WDR11: variants seen among roughly 807,000 people sequenced by gnomAD.
WDR11 encodes the protein WD repeat-containing protein 11.
In WDR11, 83 loss-of-function variants were observed where a neutral mutation model predicts 151.2. That is an observed-to-expected ratio of 0.55 (90% CI 0.46 to 0.66). The LOEUF (loss-of-function observed/expected upper bound fraction) is 0.66, where lower values mean the gene tolerates loss of function less well. Among genes scored for constraint, WDR11 ranks in the 30% least tolerant of loss-of-function variants. The pLI, the probability that WDR11 is intolerant of heterozygous loss-of-function variation, is 0.00. For synonymous variants in WDR11, 484 were observed against 533.1 expected, an observed-to-expected ratio of 0.91 and a Z score of 1.27; for missense variants, 1,301 against 1,480.9, an observed-to-expected ratio of 0.88 and a Z score of 1.99.
In WDR11 at chr10:120,889,130, T is replaced by G. The variant is rs908734789; in HGVS notation, c.2174T>G (p.Leu725Arg). ...CIAWKGDTLVLGDMDGNLNFW... is the reference protein window; with the variant it reads ...CIAWKGDTLVRGDMDGNLNFW... ...GCTTGGAAAGGTGATACATTAGTGC[T>G]TGGAGATATGGATGGAAATTTAAAT... The change falls in exon 17 of 29, where the codon CTT (leucine) becomes CGT (arginine). Residue 725 changes from leucine (L) to arginine (R), a missense_variant. This residue lies in a region of WDR11 where 589 missense variants were observed against 670.6 expected (regional missense o/e 0.88). Coordinates refer to ENST00000263461, the MANE Select transcript of WDR11 (RefSeq NM_018117.12). 1.2e-6 allele frequency: 2 copies of G among 1,613,970 alleles called. No individual in the cohort carries two copies. The highest frequency in any genetic ancestry group is 8.5e-7 in the Non-Finnish European group (1 of 1,179,982).
rs66873217 is a variant in WDR11 at position 120,874,176 on chromosome 10, G to GTTTTTT, written c.1556+264_1556+269dup. Among the ~76,000 whole-genome samples the GTTTTTT allele has an allele frequency of 3.2e-3, 263 of 83,290 alleles. 6 individuals are homozygous for GTTTTTT. Among genetic ancestry groups the GTTTTTT allele is most frequent in the African/African-American group, 4.3e-3 (86 of 20,196 alleles). The allele number at this position is 83,290 out of a possible 152,430, so 54.6% of individuals were successfully genotyped here. On this transcript the variant is annotated intron_variant, in intron 11 of 28. Transcript: ENST00000263461. ...TGCAAAAGTAATTGCGGTTTTTGCA[G>GTTTTTT]TTTTTTTTTTTTTTTTGTTGTTGTT...
rs2133815980 is a variant in WDR11 at position 120,904,714 on chromosome 10, G to A, written c.3096G>A (p.Leu1032=). 2 of 1,614,172 alleles carry A rather than the reference G, an allele frequency of 1.2e-6. No homozygotes were observed. The highest frequency in any genetic ancestry group is 1.1e-5 in the South Asian group (1 of 91,082). Residue 1032 remains leucine, a synonymous_variant, in exon 25 of 29, where the codon CTG becomes CTA. Transcript: ENST00000263461. ...ACCAGCATTATTACTGTGATTCACT[G>A]AAAGCCTGTTTAGTCACTACTGTCA... The part of the protein sequence containing the change: ...ADNQHYYCDS[L]KACLVTTVTS...
At chr10:120,868,386 G>A (rs776795531) in intron 9 of WDR11, among the ~76,000 whole-genome samples, 10 of 151,842 alleles carry the variant, frequency 6.6e-5, no homozygotes, top group Non-Finnish European at 1.0e-4. Context: ...CCTGGGAGGC[G>A]GTGGAGGTTG....
chr10:120,871,504 A>T (rs1043720537), intron 10 of WDR11, among the ~76,000 whole-genome samples, 158 bp downstream of exon 10: 1 of 152,004 alleles, frequency 6.6e-6, no homozygotes, highest in African/African-American at 2.4e-5. Context: ...TAAAAAAAAA[A>T]AAATTTCTGT....
At chr10:120,884,319 TA>T (rs1161014747) in intron 14 of WDR11, among the ~76,000 whole-genome samples, 1 of 152,100 alleles carries the variant, frequency 6.6e-6, no homozygotes, top group African/African-American at 2.4e-5. Context: ...GTCAACCTAA[TA>T]AAGAGCTCAG....
Position 120,852,406 on chromosome 10 carries a change from A to T in WDR11, c.87-118A>T, listed in dbSNP as rs553455659. The T allele has an allele frequency of 1.4e-3, 1,190 of 844,332 alleles. 6 individuals carry two copies. Among genetic ancestry groups the T allele is most frequent in the South Asian group, 7.2e-3 (490 of 67,892 alleles). The allele number at this position is 844,332 out of a possible 1,614,324, so 52.3% of individuals were successfully genotyped here. ...ATGATAAATACTGGCCTTTGGGTTT[A>T]AATGATTTTATTAATGGTGGTACAT... On this transcript the variant is annotated intron_variant, in intron 1 of 28. Transcript: ENST00000263461.
intron 19 of WDR11, among the ~76,000 whole-genome samples, chr10:120,896,460 C>CTA (rs3035067): frequency 0.35 from 53,040 of 151,770 alleles, 9,269 homozygotes; most frequent in Admixed American, 0.43. Context: ...GAAGAAAAAG[C>CTA]AAACCCTAAA....
chr10:120,904,577 T>G, intron 24 of WDR11, 69 bp from the exon 25 acceptor site: 1 of 1,588,094 alleles, frequency 6.3e-7, no homozygotes, highest in Middle Eastern at 1.7e-4. Context: ...GTTTTCTACC[T>G]TATGAATTTT....
In WDR11 at chr10:120,889,902, C is replaced by A. The variant is rs1590100999; in HGVS notation, c.2236C>A (p.Pro746Thr). 1 of 1,612,494 alleles carries A rather than the reference C, an allele frequency of 6.2e-7. No individual in the cohort carries two copies. The highest frequency in any genetic ancestry group is 8.5e-7 in the Non-Finnish European group (1 of 1,178,566). The change falls in exon 18 of 29, where the codon CCC becomes ACC. Residue 746 changes from proline to threonine, a missense_variant. Physicochemically the swap from Pro to Thr is conservative, Grantham distance 38 (BLOSUM62 -1). Around this residue, in one of 3 missense-constraint regions of WDR11, gnomAD observed 589 missense variants for 670.6 expected, o/e 0.88. Transcript: ENST00000263461. ...TTGTTTCTTTGTCTTCAGAGGAATA[C>A]CCACACACCGAAGTTGGGTGAGGAA... ...DLKGRVSRGI[P>T]THRSWVRKIR...
At position 120,909,129 on chromosome 10, in the gene WDR11, T is replaced by A. The variant is rs182717961; in HGVS notation, c.*416T>A. 9.8e-6 allele frequency: 2 copies of A among 203,770 alleles called. No homozygotes were observed. Among genetic ancestry groups the A allele is most frequent in the Non-Finnish European group, 1.0e-5 (1 of 98,406 alleles). The allele number at this position is 203,770 out of a possible 1,614,324, so 12.6% of individuals were successfully genotyped here. A position where few individuals can be genotyped will look rare whatever the true frequency, so the allele number is the denominator to read the frequency against. ...CAAATATATGCTGTGCCTGTACTTATATACAGTCTTTCAAGAGAGATACAA... is the reference window on the plus strand; with the variant it reads ...CAAATATATGCTGTGCCTGTACTTAAATACAGTCTTTCAAGAGAGATACAA... On this transcript the variant is annotated 3_prime_UTR_variant, in exon 29 of 29. Coordinates refer to ENST00000263461, the MANE Select transcript of WDR11 (RefSeq NM_018117.12).
intron 5 of WDR11, among the ~76,000 whole-genome samples, chr10:120,864,807 T>C (rs983230630): frequency 6.6e-6 from 1 of 152,188 alleles, no homozygotes; most frequent in Non-Finnish European, 1.5e-5. Context: ...ATTCTACTAC[T>C]TAATATTTCA....
chr10:120,894,230 A>G (rs955329044), intron 19 of WDR11, among the ~76,000 whole-genome samples: 3 of 152,186 alleles, frequency 2.0e-5, no homozygotes, highest in South Asian at 4.1e-4. Context: ...AGCTTTCTAC[A>G]TATGGCTAGC....
At chr10:120,876,502 T>TTTGGACTCTTTCAGGCTGTTATTCATCTC (rs1485777255) in intron 11 of WDR11, among the ~76,000 whole-genome samples, 2 of 152,184 alleles carry the variant, frequency 1.3e-5, no homozygotes, top group Non-Finnish European at 2.9e-5. Flanking sequence ...CAGGTATCTG[T>TTTGGACTCTTTCAGGCTGTTATTCATCTC]TTGGACTCTT....
intron 21 of WDR11, 78 bp from the exon 22 acceptor site, chr10:120,902,179 G>T: frequency 1.7e-6 from 2 of 1,154,112 alleles, no homozygotes; most frequent in South Asian, 1.2e-5. Flanking sequence ...TTCATTTCAA[G>T]AGTATATTGA....
intron 2 of WDR11, among the ~76,000 whole-genome samples, chr10:120,855,521 A>G (rs1845917434): frequency 6.6e-6 from 1 of 152,050 alleles, no homozygotes; most frequent in Non-Finnish European, 1.5e-5. Context: ...CCAATTTATT[A>G]TTTTGTATTG....
In WDR11 at chr10:120,880,952, G is replaced by T. The variant is rs117012713; in HGVS notation, c.1739+51G>T. ...TATGGTGTTATCACAATGAAATCTC[G>T]TGGATTTTTTTAATCTTTAAGAAAA... is the stretch of plus-strand genomic sequence containing the variant. On this transcript the variant is annotated intron_variant, in intron 13 of 28. Transcript: ENST00000263461. 2.6e-3 allele frequency: 3,891 copies of T among 1,510,508 alleles called. 11 individuals are homozygous for T. Among genetic ancestry groups the T allele is most frequent in the Non-Finnish European group, 3.2e-3 (3,518 of 1,108,176 alleles). The allele number at this position is 1,510,508 out of a possible 1,614,324, so 93.6% of individuals were successfully genotyped here.
Position 120,909,187 on chromosome 10 carries a change from G to GTAGTT in WDR11, c.*477_*481dup, listed in dbSNP as rs1477935615. ...AGAAACATTTAAACTAGTATTAAAG[G>GTAGTT]TAGTTTACCAAAGCATTTTTTGTTT... On this transcript the variant is annotated 3_prime_UTR_variant, in exon 29 of 29. Transcript: ENST00000263461. 1 of 160,072 alleles carries GTAGTT rather than the reference G, an allele frequency of 6.2e-6. No individual in the cohort carries two copies. The highest frequency in any genetic ancestry group is 1.4e-5 in the Non-Finnish European group (1 of 72,180). 9.9% of individuals were successfully genotyped at this position (160,072 alleles called of 1,614,324 possible).
At position 120,903,173 on chromosome 10, in the gene WDR11, A is replaced by G; in HGVS notation, c.2872A>G (p.Lys958Glu). ...TCCTAAAGAAGCTGCTCCTCGAGAC[A>G]AACTGAGCAACCCACTGGATATATG... ...TAPKEAAPRDKLSNPLDICYD... is the reference protein window; with the variant it reads ...TAPKEAAPRDELSNPLDICYD... The change falls in exon 23 of 29, where the codon AAA (lysine) becomes GAA (glutamate). Residue 958 changes from lysine to glutamate, a missense_variant. Around this residue, in one of 3 missense-constraint regions of WDR11, gnomAD observed 589 missense variants for 670.6 expected, o/e 0.88. Transcript: ENST00000263461. 1 of 1,614,220 alleles carries G rather than the reference A, an allele frequency of 6.2e-7. No individual in the cohort carries two copies. Among genetic ancestry groups the G allele is most frequent in the South Asian group, 1.1e-5 (1 of 91,084 alleles).
intron 2 of WDR11, among the ~76,000 whole-genome samples, chr10:120,853,319 G>A (rs1418357279): frequency 6.6e-6 from 1 of 151,776 alleles, no homozygotes; most frequent in Non-Finnish European, 1.5e-5. Context: ...AGGCTGGAGT[G>A]CAGTGGCATG....
Sources: gnomAD v4.1 joint callset for allele counts (sites outside exome capture counted in the v4.1 genomes callset) on GRCh38, gnomAD v4.1.1 for gene constraint, gnomAD v4.1.1 regional missense constraint, MANE v1.5 for transcripts, NCBI Gene and HGNC (gene_info 2026-07-23, HGNC 2026-07-21) for gene names.